The following MYOF variants were observed in gnomAD, a reference collection of about 807,000 sequenced individuals.
The protein encoded by MYOF is myoferlin.
MYOF carries 244 observed loss-of-function variants against 284.2 expected under a neutral mutation model. That is an observed-to-expected ratio of 0.86 (90% CI 0.77 to 0.95). The LOEUF is 0.95. Among genes scored for constraint, MYOF ranks in the 40% least tolerant of loss-of-function variants. The probability of loss-of-function intolerance (pLI) is 0.00; values close to 1 mark genes in which losing one functional copy is unlikely to be tolerated. For missense variants in MYOF, 2,496 were observed against 2,560.6 expected, an observed-to-expected ratio of 0.97 and a Z score of 0.54; for synonymous variants, 904 against 919.7, an observed-to-expected ratio of 0.98 and a Z score of 0.31.
Position 93,420,739 on chromosome 10 carries a change from G to A in MYOF, c.433+5332C>T, listed in dbSNP as rs113699996. Among the ~76,000 whole-genome samples the A allele has an allele frequency of 4.7e-3, 715 of 152,268 alleles. 4 individuals carry two copies. Among genetic ancestry groups the A allele is most frequent in the Middle Eastern group, 0.024 (7 of 294 alleles). ...AGTGGTTATCTCAGGAGGATGGGAC[G>A]CAGAGATTTTCACTTTCCGTGTCAT... is the stretch of plus-strand genomic sequence containing the variant. On this transcript the variant is annotated intron_variant, in intron 5 of 53. Transcript: ENST00000359263.
At chr10:93,360,541 C>A (rs1049186207) in intron 28 of MYOF, among the ~76,000 whole-genome samples, 1 of 152,184 alleles carries the variant, frequency 6.6e-6, no homozygotes, top group Non-Finnish European at 1.5e-5. Context: ...GTGTGTGCAT[C>A]GAGATCAGTG....
intron 9 of MYOF, 109 bp downstream of exon 9, chr10:93,403,914 C>G: frequency 8.5e-7 from 1 of 1,175,452 alleles, no homozygotes; most frequent in Admixed American, 1.7e-5. Flanking sequence ...CATGCTGAAC[C>G]CTTACACATT....
intron 43 of MYOF, among the ~76,000 whole-genome samples, chr10:93,332,705 G>T (rs988714708): frequency 2.0e-5 from 3 of 151,916 alleles, no homozygotes; most frequent in Non-Finnish European, 4.4e-5. Context: ...AAATTAGCCG[G>T]GCGTGGTGGC....
chr10:93,409,250 C>T (rs970408217), intron 6 of MYOF, among the ~76,000 whole-genome samples: 2 of 152,160 alleles, frequency 1.3e-5, no homozygotes, highest in Non-Finnish European at 2.9e-5. Context: ...TCCATAGCTG[C>T]CTTCCAAATC....
chr10:93,344,560 A>C (rs1248499621), intron 37 of MYOF, among the ~76,000 whole-genome samples: 1 of 152,086 alleles, frequency 6.6e-6, no homozygotes, highest in Non-Finnish European at 1.5e-5. Flanking sequence ...ACAGAAAATA[A>C]AGAAGAGAAA....
chr10:93,460,872 G>A (rs1189007386), intron 1 of MYOF, among the ~76,000 whole-genome samples: 1 of 152,088 alleles, frequency 6.6e-6, no homozygotes, highest in Non-Finnish European at 1.5e-5. Context: ...GAGGCAGGCG[G>A]ATCACCTGAG....
intron 3 of MYOF, 36 bp downstream of exon 3, chr10:93,452,014 T>C: frequency 2.2e-6 from 3 of 1,391,320 alleles, no homozygotes; most frequent in Middle Eastern, 1.8e-4. Flanking sequence ...GAGATAGTAA[T>C]ACCTAAAATG....
chr10:93,397,192 C>T, intron 15 of MYOF, 55 bp downstream of exon 15: 1 of 1,400,272 alleles, frequency 7.1e-7, no homozygotes, highest in Non-Finnish European at 1.0e-6. Flanking sequence ...TAATGTTTCA[C>T]AATATCCAAT....
At position 93,381,329 on chromosome 10, in the gene MYOF, A is replaced by G. The variant is rs771603872; in HGVS notation, c.1766T>C (p.Val589Ala). The G allele has an allele frequency of 5.6e-6, 9 of 1,614,222 alleles. No homozygotes were observed. The South Asian group carries it at 9.9e-5, about 18-fold the overall frequency. The change falls in exon 20 of 54, where the codon GTT (valine) becomes GCT (alanine). Residue 589 changes from valine (V) to alanine (A), a missense_variant. Physicochemically the swap from Val to Ala is moderately conservative, Grantham distance 64 (BLOSUM62 0). Transcript: ENST00000359263. ...VFHSATMLQD[V>A]GEAIQFEVSI... ...GACTTCAAACTGAATGGCCTCACCAACATCTTGCAACATGGTGGCTGAATG... is the reference window on the plus strand; with the variant it reads ...GACTTCAAACTGAATGGCCTCACCAGCATCTTGCAACATGGTGGCTGAATG...
intron 3 of MYOF, among the ~76,000 whole-genome samples, chr10:93,433,780 C>T (rs909317873): frequency 2.6e-5 from 4 of 152,138 alleles, no homozygotes; most frequent in Admixed American, 6.5e-5. Flanking sequence ...GCTCCGGGTA[C>T]GCCACATGGC....
intron 19 of MYOF, among the ~76,000 whole-genome samples, chr10:93,387,098 T>C (rs1015473364): frequency 2.6e-5 from 4 of 152,218 alleles, no homozygotes; most frequent in Non-Finnish European, 5.9e-5. Flanking sequence ...TTCGTATTCT[T>C]ATCCCAAAAA....
rs788089 is a variant in MYOF at position 93,406,290 on chromosome 10, A to T, written c.730-2071T>A. Reference sequence around the variant, plus strand: ...GAAATTTTTTTAGTAAACCTCTTTTATATATATATATATATATATATATAT... The same window carrying T: ...GAAATTTTTTTAGTAAACCTCTTTTTTATATATATATATATATATATATAT... On this transcript the variant is annotated intron_variant, in intron 7 of 53. Transcript: ENST00000359263. Among the ~76,000 whole-genome samples, 72 of 64,788 alleles carry T rather than the reference A, an allele frequency of 1.1e-3. 1 individual carries two copies. Among genetic ancestry groups the T allele is most frequent in the African/African-American group, 1.7e-3 (35 of 20,318 alleles). The allele number at this position is 64,788 out of a possible 152,430, so 42.5% of individuals were successfully genotyped here.
intron 46 of MYOF, among the ~76,000 whole-genome samples, chr10:93,325,363 C>A (rs951913785): frequency 1.3e-5 from 2 of 152,168 alleles, no homozygotes; most frequent in Non-Finnish European, 2.9e-5. Flanking sequence ...TGAACCGGGC[C>A]GAGCTCAATC....
Position 93,403,965 on chromosome 10 carries a change from C to A in MYOF, c.843+58G>T. 5 of 1,569,120 alleles carry A rather than the reference C, an allele frequency of 3.2e-6. No homozygotes were observed. In the South Asian group the frequency reaches 4.4e-5, roughly 14 times the overall value. On this transcript the variant is annotated intron_variant, in intron 9 of 53. Coordinates refer to ENST00000359263, the MANE Select transcript of MYOF (RefSeq NM_013451.4). ...AGATGCGTACATAGGAATCAGATTT[C>A]TATTATGAAAGTTCTCATCTTTCTG...
At chr10:93,440,410 C>CG (rs1352696811) in intron 3 of MYOF, among the ~76,000 whole-genome samples, 1 of 15,910 alleles carries the variant, frequency 6.3e-5, no homozygotes, top group African/African-American at 1.0e-4. Flanking sequence ...GACTCCGTCT[C>CG]GAAAAAAAAA....
intron 36 of MYOF, 47 bp from the exon 37 acceptor site, chr10:93,347,829 C>A (rs571252485): frequency 5.1e-6 from 8 of 1,567,998 alleles, no homozygotes; most frequent in South Asian, 3.5e-5. Context: ...CAGACGAGGG[C>A]AGCTTTGAGA....
At chr10:93,315,074 C>G (rs1225790897) in intron 50 of MYOF, among the ~76,000 whole-genome samples, 1 of 152,102 alleles carries the variant, frequency 6.6e-6, no homozygotes, top group African/African-American at 2.4e-5. Flanking sequence ...AAGGGCAAAC[C>G]CTTTATTATC....
intron 5 of MYOF, among the ~76,000 whole-genome samples, chr10:93,423,248 C>G (rs558352590): frequency 6.6e-6 from 1 of 151,858 alleles, no homozygotes; most frequent in Non-Finnish European, 1.5e-5. Flanking sequence ...AGAGAGGGGT[C>G]GGGTGCAGTG....
intron 1 of MYOF, among the ~76,000 whole-genome samples, chr10:93,467,628 A>G (rs1169825897): frequency 6.6e-6 from 1 of 152,106 alleles, no homozygotes; most frequent in Non-Finnish European, 1.5e-5. Flanking sequence ...TACTGGGTAT[A>G]TACCCAAAGG....
Sources: gnomAD v4.1 joint callset for allele counts (sites outside exome capture counted in the v4.1 genomes callset) on GRCh38, gnomAD v4.1.1 for gene constraint, MANE v1.5 for transcripts, NCBI Gene and HGNC (gene_info 2026-07-23, HGNC 2026-07-21) for gene names.